DCST2: variants seen among roughly 807,000 people sequenced by gnomAD.
DCST2 encodes DC-STAMP domain containing 2.
DCST2 carries 64 observed loss-of-function variants against 81.8 expected under a neutral mutation model. The observed-to-expected ratio is 0.78, with a 90% CI of 0.64 to 0.96. DCST2 has a LOEUF of 0.96. Ranked by LOEUF, DCST2 falls within the 40% of genes least tolerant of loss-of-function variation. The probability of loss-of-function intolerance (pLI) is 0.00; values close to 1 mark genes in which losing one functional copy is unlikely to be tolerated. For synonymous variants in DCST2, 354 were observed against 402.6 expected (o/e 0.88, Z 1.44); for missense variants, 945 against 1,001.4 (o/e 0.94, Z 0.76).
At position 155,026,803 on chromosome 1, in the gene DCST2, C is replaced by T. The variant is rs1021880753; in HGVS notation, c.1343-88G>A. ...TTCTGGAATGAGGAAAGTGGAGCAG[C>T]GCAGGTCATAGGATGACTCAGACCC... On this transcript the variant is annotated intron_variant, in intron 8 of 14. Coordinates refer to ENST00000368424, the MANE Select transcript of DCST2 (RefSeq NM_144622.3). The T allele has an allele frequency of 1.6e-5, 25 of 1,523,198 alleles. No individual in the cohort carries two copies. The Admixed American group carries it at 2.4e-4, about 15-fold the overall frequency. 94.4% of individuals were successfully genotyped at this position (1,523,198 alleles called of 1,614,324 possible).
chr1:155,029,498 C>T (rs942727946), intron 7 of DCST2, 101 bp from the exon 8 acceptor site: 7 of 1,137,228 alleles, frequency 6.2e-6, no homozygotes, highest in South Asian at 4.4e-5. Flanking sequence ...GGTGTGGGCC[C>T]GTCTGCTCAT....
chr1:155,033,285 A>G, intron 1 of DCST2, 21 bp from the exon 2 acceptor site: 1 of 1,602,788 alleles, frequency 6.2e-7, no homozygotes. Context: ...CAGCTTTGTT[A>G]GAACCAAGAC....
Position 155,029,265 on chromosome 1 carries a change from C to G in DCST2, c.1310G>C (p.Arg437Pro). ...YAVFWVLDLARHQLQGEIVAR... is the reference protein window; with the variant it reads ...YAVFWVLDLAPHQLQGEIVAR... Reference sequence around the variant, plus strand: ...CACAATCTCCCCCTGCAGCTGGTGCCGGGCCAGGTCAAGCACCCAGAAGAC... The same window carrying G: ...CACAATCTCCCCCTGCAGCTGGTGCGGGGCCAGGTCAAGCACCCAGAAGAC... The change falls in exon 8 of 15, where the codon CGG becomes CCG. Residue 437 changes from arginine (R) to proline (P), a missense_variant. Transcript: ENST00000368424. The G allele has an allele frequency of 1.2e-6, 2 of 1,613,836 alleles. No homozygotes were observed. The highest frequency in any genetic ancestry group is 1.7e-6 in the Non-Finnish European group (2 of 1,179,930).
At position 155,018,750 on chromosome 1, in the gene DCST2, C is replaced by T. The variant is rs200943269; in HGVS notation, c.2116G>A (p.Glu706Lys). Reference sequence around the variant, plus strand: ...TTCCTCTGCTGAGGCCCCTTCTCCTCATCCAGGTCACTAGTGAGGAGAGGA... The same window carrying T: ...TTCCTCTGCTGAGGCCCCTTCTCCTTATCCAGGTCACTAGTGAGGAGAGGA... ...ESTSESSDLD[E>K]EKGPQQRKHG... Residue 706 changes from glutamate (E) to lysine (K), a missense_variant, in exon 15 of 15, where the codon GAG becomes AAG. By Grantham distance (56) the Glu-to-Lys change is moderately conservative (BLOSUM62 1). Coordinates refer to ENST00000368424, the MANE Select transcript of DCST2 (RefSeq NM_144622.3). 317 of 1,613,030 alleles carry T rather than the reference C, an allele frequency of 2.0e-4. No homozygotes were observed. Among genetic ancestry groups the T allele is most frequent in the Admixed American group, 7.5e-4 (45 of 59,962 alleles).
At chr1:155,033,026 G>C (rs1008005457) in intron 2 of DCST2, 68 bp downstream of exon 2, 12 of 1,456,856 alleles carry the variant, frequency 8.2e-6, no homozygotes, top group Non-Finnish European at 1.0e-5. Flanking sequence ...CCAAAGGACT[G>C]TAGAACATGC....
chr1:155,031,828 G>A (rs991032848), intron 3 of DCST2, 57 bp from the exon 4 acceptor site: 91 of 1,559,054 alleles, frequency 5.8e-5, no homozygotes, highest in Non-Finnish European at 7.3e-5. Context: ...CTCTTCTCAG[G>A]GTTTTGGGGA....
chr1:155,030,412 G>T lies in DCST2; in HGVS notation c.1019+20C>A, dbSNP rs772525716. 1 of 1,609,932 alleles carries T rather than the reference G, an allele frequency of 6.2e-7. No individual in the cohort carries two copies. Among genetic ancestry groups the T allele is most frequent in the South Asian group, 1.1e-5 (1 of 90,922 alleles). On this transcript the variant is annotated intron_variant, in intron 6 of 14. Transcript: ENST00000368424. ...GCACCCCCGGCCCTGCATCCCCCAC[G>T]CTGCCCGGCAGCCCCTCACTGGAGG...
chr1:155,033,367 T>A, intron 1 of DCST2, 67 bp downstream of exon 1: 1 of 1,591,528 alleles, frequency 6.3e-7, no homozygotes, highest in Non-Finnish European at 8.6e-7. Flanking sequence ...CTGCCTCTCC[T>A]CCAGCATCTC....
intron 8 of DCST2, among the ~76,000 whole-genome samples, chr1:155,026,940 G>C (rs980608076): frequency 6.6e-6 from 1 of 152,162 alleles, no homozygotes; most frequent in Non-Finnish European, 1.5e-5. Context: ...CTGGTGTCTG[G>C]TCTTCCTATC....
chr1:155,024,847 G>A (rs965151931), intron 10 of DCST2, among the ~76,000 whole-genome samples: 6 of 152,050 alleles, frequency 3.9e-5, no homozygotes, highest in African/African-American at 1.2e-4. Context: ...AAATTACAAC[G>A]TCTTGTTAAA....
In DCST2 at chr1:155,023,907, A is replaced by G; in HGVS notation, c.1795T>C (p.Cys599Arg). ...TCCTGGGGCTGCCCACAGCCCAGGC[A>G]GTAGGCCTGATGCAGCCAAAAGTGG... ...VSHFWLHQAY[C>R]LGCGQPQDEG... The change falls in exon 12 of 15, where the codon TGC (cysteine) becomes CGC (arginine). Residue 599 changes from cysteine to arginine, a missense_variant. By Grantham distance (180) the Cys-to-Arg change is radical (BLOSUM62 -3). Transcript: ENST00000368424. 1 of 1,613,716 alleles carries G rather than the reference A, an allele frequency of 6.2e-7. No individual in the cohort carries two copies.
rs1484832990 is a variant in DCST2, at chr1:155,030,193, A to G, written c.1068T>C (p.Asn356=). 1.2e-6 allele frequency: 2 copies of G among 1,614,064 alleles called. No individual in the cohort carries two copies. Among genetic ancestry groups the G allele is most frequent in the Non-Finnish European group, 8.5e-7 (1 of 1,179,998 alleles). ...YCYLNWDHYD[N]IYITSRFLRM... is the part of the protein sequence containing the mutation. ...GCAGGAATCGGCTAGTGATGTAGAT[A>G]TTGTCATAATGGTCCCAGTTCAGGT... The change falls in exon 7 of 15, where the codon AAT becomes AAC. Residue 356 remains asparagine, a synonymous_variant. Transcript: ENST00000368424.
At chr1:155,023,563 C>T (rs1021248797) in intron 12 of DCST2, 106 bp from the exon 13 acceptor site, 16 of 1,547,670 alleles carry the variant, frequency 1.0e-5, no homozygotes, top group Non-Finnish European at 1.4e-5. Context: ...CTGGATGAAC[C>T]ATCCTTGTCA....
Position 155,030,413 on chromosome 1 carries a change from C to T in DCST2, c.1019+19G>A, listed in dbSNP as rs1407925077. 2 of 1,611,320 alleles carry T rather than the reference C, an allele frequency of 1.2e-6. No individual in the cohort carries two copies. Among genetic ancestry groups the T allele is most frequent in the Admixed American group, 1.7e-5 (1 of 59,842 alleles). On this transcript the variant is annotated intron_variant, in intron 6 of 14. Coordinates refer to ENST00000368424, the MANE Select transcript of DCST2 (RefSeq NM_144622.3). ...CACCCCCGGCCCTGCATCCCCCACG[C>T]TGCCCGGCAGCCCCTCACTGGAGGT...
Position 155,026,581 on chromosome 1 carries a change from A to T in DCST2, c.1477T>A (p.Ser493Thr). The change falls in exon 9 of 15, where the codon TCG becomes ACG. Residue 493 changes from serine (S) to threonine (T), a missense_variant. Ser to Thr is a moderately conservative substitution (Grantham distance 58). Coordinates refer to ENST00000368424, the MANE Select transcript of DCST2 (RefSeq NM_144622.3). ...ATGTAGCCAGTGCTGTCAGGCTCCG[A>T]GGGACGAAGGAGACAACGCCGGGAC... is the stretch of plus-strand genomic sequence containing the variant. Reference protein sequence around the residue: ...ILSRRCLLRPSEPDSTGYIVI... With the variant: ...ILSRRCLLRPTEPDSTGYIVI... 6.2e-7 allele frequency: 1 copy of T among 1,614,202 alleles called. No individual in the cohort carries two copies. Among genetic ancestry groups the T allele is most frequent in the South Asian group, 1.1e-5 (1 of 91,084 alleles).
chr1:155,030,352 G>A, intron 6 of DCST2, 80 bp downstream of exon 6: 1 of 1,595,306 alleles, frequency 6.3e-7, no homozygotes. Context: ...TGCTGGGGCA[G>A]GGAGAAATGA....
chr1:155,022,940 C>T (rs763186356), intron 14 of DCST2, among the ~76,000 whole-genome samples, 177 bp downstream of exon 14: 6 of 152,304 alleles, frequency 3.9e-5, no homozygotes, highest in African/African-American at 1.2e-4. Flanking sequence ...GTGAGCTCCT[C>T]CTGGGCCACG....
chr1:155,029,451 G>C, intron 7 of DCST2, 54 bp from the exon 8 acceptor site: 1 of 1,582,964 alleles, frequency 6.3e-7, no homozygotes, highest in Non-Finnish European at 8.6e-7. Context: ...CCGTCCACCA[G>C]ATCCCAGTTC....
intron 11 of DCST2, 114 bp downstream of exon 11, chr1:155,024,358 C>T: frequency 7.9e-6 from 11 of 1,391,956 alleles, no homozygotes; most frequent in Non-Finnish European, 1.1e-5. Flanking sequence ...ATGCAATGGG[C>T]ATTCTCTTCA....
Sources: allele counts gnomAD v4.1 joint callset (sites outside exome capture counted in the v4.1 genomes callset), GRCh38; gene constraint gnomAD v4.1.1; transcripts MANE v1.5; gene names NCBI Gene and HGNC (gene_info 2026-07-23, HGNC 2026-07-21).